The following PMF1 variants were observed in gnomAD, a reference collection of about 807,000 sequenced individuals.
PMF1 encodes polyamine-modulated factor 1.
A neutral mutation model predicts 26.7 loss-of-function variants in PMF1; 21 were observed. The observed-to-expected ratio is 0.79, with a 90% CI of 0.56 to 1.13. The LOEUF is 1.13. PMF1 is among the 50% of genes most tolerant of loss of function. PMF1 has a pLI of 0.00. For missense variants in PMF1, 266 were observed against 254.9 expected (o/e 1.04, Z -0.30); for synonymous variants, 105 against 101.0 (o/e 1.04, Z -0.24).
At chr1:156,233,537 C>A in intron 2 of PMF1, 91 bp from the exon 3 acceptor site, 1 of 1,352,652 alleles carries the variant, frequency 7.4e-7, no homozygotes, top group Non-Finnish European at 1.0e-6. Context: ...AGAAATTAGC[C>A]AAAATCTTAC....
chr1:156,223,223 CCACT>C (rs1010564121), intron 1 of PMF1: 1 of 152,324 alleles, frequency 6.6e-6, no homozygotes, highest in African/African-American at 2.4e-5. Context: ...CTTTCTGTCC[CCACT>C]GTTTTTGCCT....
chr1:156,224,370 C>T (rs1216051185), intron 1 of PMF1, among the ~76,000 whole-genome samples: 1 of 152,222 alleles, frequency 6.6e-6, no homozygotes, highest in African/African-American at 2.4e-5. Flanking sequence ...TACTGTACAA[C>T]ACCAGAATCC....
In PMF1 at chr1:156,233,727, T is replaced by TGGTGAGAGTGGGGTGGGGA. The variant is rs751199767; in HGVS notation, c.368+7_368+25dup. The TGGTGAGAGTGGGGTGGGGA allele has an allele frequency of 8.7e-6, 14 of 1,612,346 alleles. No homozygotes were observed. The Admixed American group carries it at 2.0e-4, about 23-fold the overall frequency. On this transcript the variant is annotated stop_gained and frameshift_variant and splice_region_variant, in exon 3 of 5. Transcript: ENST00000368277. LOFTEE classifies it high-confidence loss of function. ...AGGCAAAGTCCGCAAAGAGCCAGCC[T>TGGTGAGAGTGGGGTGGGGA]GGTGAGAGTGGGGTGGGGAGGTGAG...
intron 1 of PMF1, among the ~76,000 whole-genome samples, chr1:156,227,856 C>A (rs1558193489): frequency 6.6e-6 from 1 of 151,824 alleles, no homozygotes; most frequent in Non-Finnish European, 1.5e-5. Flanking sequence ...GTCTCCAACT[C>A]CTGGGCTCAA....
chr1:156,215,409 A>G (rs1176041615), intron 1 of PMF1, among the ~76,000 whole-genome samples: 1 of 152,082 alleles, frequency 6.6e-6, no homozygotes, highest in Non-Finnish European at 1.5e-5. Flanking sequence ...ACTTTTATGA[A>G]CCAATCATGG....
intron 1 of PMF1, among the ~76,000 whole-genome samples, chr1:156,224,896 G>T (rs1658270485): frequency 6.9e-6 from 1 of 145,862 alleles, no homozygotes; most frequent in South Asian, 2.2e-4. Flanking sequence ...AGACCAAATG[G>T]AGAATTTTTT....
intron 2 of PMF1, among the ~76,000 whole-genome samples, chr1:156,233,047 A>T (rs1658809512): frequency 6.6e-6 from 1 of 151,624 alleles, no homozygotes; most frequent in African/African-American, 2.4e-5. Flanking sequence ...AGATTCCAGA[A>T]TCACTGGGAC....
chr1:156,228,395 C>T (rs1298329652), intron 1 of PMF1, among the ~76,000 whole-genome samples: 1 of 149,752 alleles, frequency 6.7e-6, no homozygotes, highest in Admixed American at 6.8e-5. Flanking sequence ...ACATCACCTT[C>T]TTCCTGTACT....
At chr1:156,217,825 C>T (rs1471092162) in intron 1 of PMF1, among the ~76,000 whole-genome samples, 1 of 152,166 alleles carries the variant, frequency 6.6e-6, no homozygotes, top group Non-Finnish European at 1.5e-5. Flanking sequence ...GATATGCATC[C>T]ACCACTTACC....
At chr1:156,238,886 C>CG (rs1471908122) in intron 4 of PMF1, among the ~76,000 whole-genome samples, 3 of 151,730 alleles carry the variant, frequency 2.0e-5, no homozygotes, top group African/African-American at 7.3e-5. Context: ...ACAAAGGCCC[C>CG]CCCCCCAAGC....
chr1:156,238,531 C>G (rs1386693044), intron 4 of PMF1, among the ~76,000 whole-genome samples: 1 of 152,212 alleles, frequency 6.6e-6, no homozygotes, highest in East Asian at 1.9e-4. Flanking sequence ...TAGTAGGGCT[C>G]AAGTGGCGGC....
chr1:156,219,808 G>A (rs1392614474), intron 1 of PMF1, among the ~76,000 whole-genome samples: 1 of 152,000 alleles, frequency 6.6e-6, no homozygotes. Flanking sequence ...GGAGTGCAGT[G>A]GCATGATCAC....
chr1:156,236,576 C>G, intron 4 of PMF1, 93 bp downstream of exon 4: 1 of 1,472,878 alleles, frequency 6.8e-7, no homozygotes, highest in South Asian at 1.3e-5. Context: ...ACACAGGGGA[C>G]CCCCACAGGG....
chr1:156,229,591 A>G (rs961334205), intron 1 of PMF1, among the ~76,000 whole-genome samples: 2 of 147,246 alleles, frequency 1.4e-5, no homozygotes, highest in Admixed American at 6.8e-5. Context: ...TTTTTTTGAG[A>G]TGGAGTGTCG....
chr1:156,237,502 A>G (rs58776171), intron 4 of PMF1, among the ~76,000 whole-genome samples: 8,521 of 139,802 alleles, frequency 0.061, 829 homozygotes, highest in African/African-American at 0.21. Context: ...GCTGGAGTGC[A>G]GTGGCACGAT....
rs1237224129 is a variant in PMF1 at position 156,213,053 on chromosome 1, G to T, written c.38G>T (p.Cys13Phe). 1 of 1,614,218 alleles carries T rather than the reference G, an allele frequency of 6.2e-7. No homozygotes were observed. The highest frequency in any genetic ancestry group is 8.5e-7 in the Non-Finnish European group (1 of 1,180,018). ...AGTAGCGCCAATCTAGGCAGCGGCT[G>T]TGAGGAAAAAAGGCATGAGGGGTCG... is the stretch of plus-strand genomic sequence containing the variant. ...EASSANLGSG[C>F]EEKRHEGSSS... Residue 13 changes from cysteine (C) to phenylalanine (F), a missense_variant, in exon 1 of 5, where the codon TGT becomes TTT. Transcript: ENST00000368277.
At chr1:156,236,696 C>A (rs1422003670) in intron 4 of PMF1, 2 of 656,624 alleles carry the variant, frequency 3.0e-6, no homozygotes, top group Non-Finnish European at 5.1e-6. Context: ...CTCCACCAGG[C>A]ACAGGCATGT....
intron 1 of PMF1, among the ~76,000 whole-genome samples, chr1:156,224,222 A>G (rs1337816546): frequency 6.6e-6 from 1 of 152,230 alleles, no homozygotes; most frequent in Non-Finnish European, 1.5e-5. Flanking sequence ...GTACATATCT[A>G]TGTTGTATAA....
intron 1 of PMF1, chr1:156,225,627 G>A (rs962976872): frequency 1.9e-6 from 3 of 1,563,450 alleles, no homozygotes; most frequent in African/African-American, 2.7e-5. Context: ...TGTGAAACAG[G>A]CCTTCAGTTG....
Sources: gnomAD v4.1 joint callset for allele counts (sites outside exome capture counted in the v4.1 genomes callset) on GRCh38, gnomAD v4.1.1 for gene constraint, MANE v1.5 for transcripts, NCBI Gene and HGNC (gene_info 2026-07-23, HGNC 2026-07-21) for gene names.